KALRN: variants seen among roughly 807,000 people sequenced by gnomAD.
The protein encoded by KALRN is kalirin RhoGEF kinase.
In KALRN, 70 loss-of-function variants were observed where a neutral mutation model predicts 353.7. The ratio of observed to expected loss-of-function variants is 0.20; its 90% confidence interval spans 0.16 to 0.24. The LOEUF is 0.24. Ranked by LOEUF, KALRN falls within the 10% of genes least tolerant of loss-of-function variation. The pLI is 1.00. For synonymous variants in KALRN, 1,391 were observed against 1,434.8 expected (o/e 0.97, Z 0.69); for missense variants, 2,791 against 3,756.7 (o/e 0.74, Z 6.72).
chr3:124,410,064 G>A (rs1329707494), intron 13 of KALRN: 1 of 373,944 alleles, frequency 2.7e-6, no homozygotes, highest in Non-Finnish European at 5.3e-6. Flanking sequence ...GGTAAGGAGA[G>A]GAGATGAAAG....
intron 33 of KALRN, among the ~76,000 whole-genome samples, chr3:124,552,392 T>C (rs529718295): frequency 1.3e-5 from 2 of 152,210 alleles, no homozygotes; most frequent in Non-Finnish European, 2.9e-5. Context: ...CCAACCAGAG[T>C]TTCCTGGTCA....
intron 34 of KALRN, among the ~76,000 whole-genome samples, chr3:124,630,934 G>C (rs1184454348): frequency 6.6e-6 from 1 of 152,070 alleles, no homozygotes; most frequent in East Asian, 1.9e-4. Flanking sequence ...CCATGCTCTT[G>C]CATCCTCTCT....
intron 1 of KALRN, among the ~76,000 whole-genome samples, chr3:124,111,669 A>C (rs2062987803): frequency 1.3e-5 from 2 of 152,242 alleles, no homozygotes; most frequent in African/African-American, 4.8e-5. Context: ...AAGAAAATAT[A>C]GAGCCAAACG....
At chr3:124,577,777 G>A (rs1479498351) in intron 34 of KALRN, among the ~76,000 whole-genome samples, 2 of 152,010 alleles carry the variant, frequency 1.3e-5, no homozygotes, top group Non-Finnish European at 2.9e-5. Context: ...AGACTGAGGT[G>A]GGAGCCCATG....
chr3:124,714,425 G>T (rs2063034956), intron 58 of KALRN, among the ~76,000 whole-genome samples: 1 of 152,186 alleles, frequency 6.6e-6, no homozygotes, highest in Admixed American at 6.6e-5. Context: ...CTACTGTAGT[G>T]CAATGGAAAG....
intron 5 of KALRN, among the ~76,000 whole-genome samples, chr3:124,294,384 T>C (rs1201326731): frequency 6.6e-6 from 1 of 152,128 alleles, no homozygotes; most frequent in African/African-American, 2.4e-5. Context: ...CCTGTTTTCC[T>C]GCCTGGGAAG....
intron 3 of KALRN, among the ~76,000 whole-genome samples, chr3:124,257,260 C>A (rs144029932): frequency 6.6e-6 from 1 of 152,214 alleles, no homozygotes; most frequent in Non-Finnish European, 1.5e-5. Context: ...CTCTCAAAAA[C>A]CACACCTAAG....
intron 15 of KALRN, among the ~76,000 whole-genome samples, chr3:124,430,337 A>G (rs997910464): frequency 2.6e-5 from 4 of 152,240 alleles, no homozygotes; most frequent in African/African-American, 9.6e-5. Context: ...ATACCATCCT[A>G]TGTTCCAGAA....
intron 10 of KALRN, among the ~76,000 whole-genome samples, chr3:124,380,010 T>C (rs2087119345): frequency 1.3e-5 from 2 of 152,194 alleles, no homozygotes. Flanking sequence ...GGGCATTTTC[T>C]CCTACTCCTC....
At chr3:124,349,918 C>T (rs572229229) in intron 10 of KALRN, among the ~76,000 whole-genome samples, 1 of 152,278 alleles carries the variant, frequency 6.6e-6, no homozygotes, top group African/African-American at 2.4e-5. Context: ...TATCCCCTGA[C>T]TGCTGAGAGT....
intron 2 of KALRN, among the ~76,000 whole-genome samples, chr3:124,229,032 A>G (rs965979380): frequency 2.6e-5 from 4 of 151,008 alleles, no homozygotes; most frequent in African/African-American, 7.3e-5. Context: ...GATAATCTAG[A>G]ATAATTGCCC....
At chr3:124,572,163 A>C (rs2073588920) in intron 34 of KALRN, among the ~76,000 whole-genome samples, 1 of 151,512 alleles carries the variant, frequency 6.6e-6, no homozygotes, top group Non-Finnish European at 1.5e-5. Flanking sequence ...TCTCTACCAA[A>C]AATACAAAAA....
intron 33 of KALRN, among the ~76,000 whole-genome samples, chr3:124,542,834 G>A (rs2069182571): frequency 6.6e-6 from 1 of 152,194 alleles, no homozygotes; most frequent in Non-Finnish European, 1.5e-5. Flanking sequence ...TCAAAACTTA[G>A]AGACTTAAAA....
chr3:124,350,682 G>T (rs2082744357), intron 10 of KALRN, among the ~76,000 whole-genome samples: 2 of 152,140 alleles, frequency 1.3e-5, no homozygotes. Flanking sequence ...CTTTCCTCTG[G>T]CCCTTCCAAT....
chr3:124,215,008 C>T (rs2077197478), intron 1 of KALRN, among the ~76,000 whole-genome samples: 3 of 152,210 alleles, frequency 2.0e-5, no homozygotes, highest in Admixed American at 6.5e-5. Context: ...GAAATGCCAC[C>T]TTGACCTGTA....
intron 53 of KALRN, among the ~76,000 whole-genome samples, chr3:124,695,923 C>G (rs1202624677): frequency 6.6e-6 from 1 of 152,078 alleles, no homozygotes; most frequent in Non-Finnish European, 1.5e-5. Context: ...GTACAACAAA[C>G]TTGAGAGATG....
At chr3:124,151,445 T>C (rs777712508) in intron 1 of KALRN, among the ~76,000 whole-genome samples, 1 of 152,238 alleles carries the variant, frequency 6.6e-6, no homozygotes, top group African/African-American at 2.4e-5. Context: ...TGATGGCTAA[T>C]GAAGTCTAGA....
chr3:124,326,879 G>T (rs997426520), intron 7 of KALRN, among the ~76,000 whole-genome samples: 3 of 152,170 alleles, frequency 2.0e-5, no homozygotes, highest in Admixed American at 2.0e-4. Flanking sequence ...TAAAAGCAAA[G>T]TTAATAAATA....
At chr3:124,112,059 T>G (rs1187045553) in intron 1 of KALRN, among the ~76,000 whole-genome samples, 1 of 151,946 alleles carries the variant, frequency 6.6e-6, no homozygotes, top group African/African-American at 2.4e-5. Context: ...ATCTCAGCAT[T>G]TGGGAGGCTG....
Sources: allele counts gnomAD v4.1 joint callset (sites outside exome capture counted in the v4.1 genomes callset), GRCh38; gene constraint gnomAD v4.1.1; transcripts MANE v1.5; gene names NCBI Gene and HGNC (gene_info 2026-07-23, HGNC 2026-07-21).